Variants in PDXDC1 observed in about 807,000 individuals in gnomAD.
PDXDC1 encodes the protein pyridoxal dependent decarboxylase domain containing 1, also known as pyridoxal-dependent decarboxylase domain-containing protein 1.
In PDXDC1, 42 loss-of-function variants were observed where a neutral mutation model predicts 100.1. That is an observed-to-expected ratio of 0.42 (90% CI 0.33 to 0.54). The LOEUF (loss-of-function observed/expected upper bound fraction) is 0.54, where lower values mean the gene tolerates loss of function less well. Among genes scored for constraint, PDXDC1 ranks in the 20% least tolerant of loss-of-function variants. The pLI, the probability that PDXDC1 is intolerant of heterozygous loss-of-function variation, is 0.10. For missense variants in PDXDC1, 636 were observed against 979.2 expected (o/e 0.65, Z 4.68); for synonymous variants, 260 against 371.7 (o/e 0.70, Z 3.46).
downstream of PDXDC1, among the ~76,000 whole-genome samples, chr16:15,141,479 G>A (rs890850727): frequency 6.6e-6 from 1 of 152,326 alleles, no homozygotes; most frequent in African/African-American, 2.4e-5. Flanking sequence ...TGGAGGGCAC[G>A]GTTGGGGGTG....
At chr16:15,094,386 G>A (rs932071288) in intron 16 of PDXDC1, 1 of 693,038 alleles carries the variant, frequency 1.4e-6, no homozygotes, top group Non-Finnish European at 2.5e-6. Context: ...GGGCTAGAGC[G>A]CCGCTGAAAC....
chr16:15,063,281 G>C (rs755908601), intron 16 of PDXDC1: 1 of 1,610,002 alleles, frequency 6.2e-7, no homozygotes. Flanking sequence ...GAATTTCTTT[G>C]ACCTGTCAAC....
chr16:15,031,821 C>T lies in PDXDC1; in HGVS notation c.1486C>T (p.Arg496Cys), dbSNP rs150324936. The change falls in exon 17 of 23, where the codon CGT becomes TGT. Residue 496 changes from arginine to cysteine, a missense_variant. Around this residue, in one of 4 missense-constraint regions of PDXDC1, gnomAD observed 452 missense variants for 402.9 expected, o/e 1.12. Transcript: ENST00000396410. The stretch of plus-strand genomic sequence containing the variant: ...AGTGCTGTGCTGTACGCTCCAGTTG[C>T]GTGAAGAGTTCAAGCAGGAAGTGGA... ...LPVLCCTLQL[R>C]EEFKQEVEAT... is the part of the protein sequence containing the mutation. 6.2e-6 allele frequency: 10 copies of T among 1,613,614 alleles called. No homozygotes were observed. The highest frequency in any genetic ancestry group is 5.5e-5 in the South Asian group (5 of 91,076).
chr16:15,039,986 T>G, downstream of PDXDC1: 1 of 1,604,194 alleles, frequency 6.2e-7, no homozygotes, highest in Non-Finnish European at 8.5e-7. Context: ...CCTGCTAAAG[T>G]TCGCGCAGCA....
At chr16:15,133,090 G>A (rs1047301457) in intron 16 of PDXDC1, 2 of 618,542 alleles carry the variant, frequency 3.2e-6, no homozygotes, top group Non-Finnish European at 5.7e-6. Flanking sequence ...ACGCCGGAGA[G>A]GGCCCGGTGG....
At chr16:15,080,952 G>T (rs576356140) in intron 16 of PDXDC1, among the ~76,000 whole-genome samples, 2 of 151,596 alleles carry the variant, frequency 1.3e-5, no homozygotes, top group African/African-American at 4.8e-5. Flanking sequence ...ATGTTTTTAG[G>T]GTTCAATCAT....
chr16:15,032,063 C>G (rs1204745577), intron 17 of PDXDC1, 157 bp downstream of exon 17: 2 of 673,592 alleles, frequency 3.0e-6, no homozygotes, highest in Non-Finnish European at 5.0e-6. Flanking sequence ...TACAAAAGCA[C>G]AGTGCAAGCA....
intron 16 of PDXDC1, chr16:15,094,297 T>C: frequency 1.4e-6 from 2 of 1,382,096 alleles, no homozygotes; most frequent in Non-Finnish European, 2.0e-6. Flanking sequence ...AGCCACAGCC[T>C]CTGTCCCGGA....
intron 16 of PDXDC1, among the ~76,000 whole-genome samples, chr16:15,111,805 G>C (rs879477121): frequency 6.9e-6 from 1 of 145,096 alleles, no homozygotes; most frequent in Admixed American, 6.9e-5. Flanking sequence ...TCACACAACT[G>C]AACTGTACAC....
At chr16:15,008,905 C>CA (rs2041026524) in intron 7 of PDXDC1, 58 bp downstream of exon 7, 1 of 1,534,380 alleles carries the variant, frequency 6.5e-7, no homozygotes, top group Non-Finnish European at 9.0e-7. Context: ...AACTGCCTTT[C>CA]AAATGAAGTT....
At chr16:15,087,297 T>C (rs2045947660) in intron 16 of PDXDC1, among the ~76,000 whole-genome samples, 1 of 152,230 alleles carries the variant, frequency 6.6e-6, no homozygotes, top group Non-Finnish European at 1.5e-5. Flanking sequence ...TCCACATATA[T>C]ATCTTCTTCT....
intron 16 of PDXDC1, chr16:15,047,773 A>C: frequency 8.3e-7 from 1 of 1,206,734 alleles, no homozygotes; most frequent in South Asian, 1.2e-5. Flanking sequence ...ACAAGACACC[A>C]GGAAACTCAA....
At chr16:15,131,006 A>T (rs541722996) in intron 16 of PDXDC1, 1 of 919,632 alleles carries the variant, frequency 1.1e-6, no homozygotes, top group African/African-American at 1.6e-5. Flanking sequence ...CACCAGAGAC[A>T]CCCATGGAAG....
chr16:15,068,117 A>G, intron 16 of PDXDC1: 3 of 1,488,402 alleles, frequency 2.0e-6, no homozygotes, highest in Non-Finnish European at 2.7e-6. Flanking sequence ...CTAGATAAAC[A>G]TAAATAAAAA....
chr16:15,082,489 G>A (rs752430252), intron 16 of PDXDC1, among the ~76,000 whole-genome samples: 6 of 152,098 alleles, frequency 3.9e-5, no homozygotes, highest in South Asian at 4.2e-4. Flanking sequence ...TCTGGCCAAC[G>A]CGGCAAAATC....
At chr16:15,007,066 T>C (rs1448816037) in intron 6 of PDXDC1, among the ~76,000 whole-genome samples, 3 of 152,206 alleles carry the variant, frequency 2.0e-5, no homozygotes, top group African/African-American at 7.2e-5. Context: ...GACTTCTCTG[T>C]GCATAAAGCT....
At chr16:15,094,437 C>T (rs551741579) in intron 16 of PDXDC1, 6 of 607,596 alleles carry the variant, frequency 9.9e-6, no homozygotes, top group Admixed American at 8.9e-5. Flanking sequence ...CCAGCCAGCG[C>T]TAGTGCGTGA....
intron 16 of PDXDC1, among the ~76,000 whole-genome samples, chr16:15,078,050 A>G (rs1261660993): frequency 6.6e-6 from 1 of 152,198 alleles, no homozygotes; most frequent in East Asian, 1.9e-4. Flanking sequence ...CACCATTCAA[A>G]TATCTTAACA....
chr16:15,020,047 G>A (rs1320911510), intron 12 of PDXDC1, among the ~76,000 whole-genome samples: 64 of 149,890 alleles, frequency 4.3e-4, no homozygotes, highest in Admixed American at 7.4e-4. Flanking sequence ...GGGAGGCAGA[G>A]CTTGCAGTGA....
Sources: allele counts gnomAD v4.1 joint callset (sites outside exome capture counted in the v4.1 genomes callset), GRCh38; gene constraint gnomAD v4.1.1; regional missense constraint gnomAD v4.1.1; transcripts MANE v1.5; gene names NCBI Gene and HGNC (gene_info 2026-07-23, HGNC 2026-07-21).